Variants in TIAM1 observed in about 807,000 individuals in gnomAD.
The protein encoded by TIAM1 is TIAM Rac1 associated GEF 1, also known as rho guanine nucleotide exchange factor TIAM1.
TIAM1 carries 65 observed loss-of-function variants against 163.5 expected under a neutral mutation model. That is an observed-to-expected ratio of 0.40 (90% CI 0.33 to 0.49). The LOEUF (loss-of-function observed/expected upper bound fraction) is 0.49. Among genes scored for constraint, TIAM1 ranks in the 20% least tolerant of loss-of-function variants. TIAM1 has a pLI of 0.77. For missense variants in TIAM1, 1,789 were observed against 2,044.7 expected (o/e 0.87, Z 2.41); for synonymous variants, 833 against 810.1 (o/e 1.03, Z -0.48).
chr21:31,459,777 G>A (rs141537632), intron 2 of TIAM1, among the ~76,000 whole-genome samples: 3 of 152,306 alleles, frequency 2.0e-5, no homozygotes, highest in East Asian at 3.9e-4. Context: ...TTGGACCAGA[G>A]TAAGAGTGAA....
intron 1 of TIAM1, among the ~76,000 whole-genome samples, chr21:31,489,890 G>C (rs894218445): frequency 6.6e-6 from 1 of 152,236 alleles, no homozygotes; most frequent in East Asian, 1.9e-4. Flanking sequence ...CAAGGTTTCC[G>C]GATCATTACA....
chr21:31,355,583 G>A (rs958822435), intron 2 of TIAM1, among the ~76,000 whole-genome samples: 32 of 148,798 alleles, frequency 2.2e-4, no homozygotes, highest in African/African-American at 7.5e-4. Context: ...AAAGAGTCTC[G>A]CCCTGTTGCT....
At chr21:31,530,236 C>T (rs944552533) in intron 1 of TIAM1, among the ~76,000 whole-genome samples, 2 of 152,212 alleles carry the variant, frequency 1.3e-5, no homozygotes, top group East Asian at 1.9e-4. Flanking sequence ...TAGCTATCAT[C>T]GATCTACCTG....
chr21:31,136,096 T>A (rs1357508087), intron 22 of TIAM1, 55 bp from the exon 23 acceptor site: 28 of 1,433,046 alleles, frequency 2.0e-5, no homozygotes, highest in Non-Finnish European at 2.6e-5. Flanking sequence ...ATACTCAGAT[T>A]TTCATGATGT....
intron 2 of TIAM1, among the ~76,000 whole-genome samples, chr21:31,378,899 T>C (rs924006176): frequency 6.6e-6 from 1 of 152,184 alleles, no homozygotes; most frequent in African/African-American, 2.4e-5. Flanking sequence ...TTATAAGTAA[T>C]CTAGAGATTG....
intron 15 of TIAM1, among the ~76,000 whole-genome samples, chr21:31,169,410 T>G (rs1601397345): frequency 6.6e-6 from 1 of 152,056 alleles, no homozygotes; most frequent in Admixed American, 6.5e-5. Flanking sequence ...AAATGAACAC[T>G]CAATAGATGA....
intron 1 of TIAM1, among the ~76,000 whole-genome samples, chr21:31,512,635 TGAGAC>T (rs2047249308): frequency 6.9e-6 from 1 of 144,134 alleles, no homozygotes; most frequent in Non-Finnish European, 1.5e-5. Context: ...TTTTTTTTTT[TGAGAC>T]AGGGTCTCAC....
chr21:31,176,551 C>T (rs902004243), intron 15 of TIAM1, among the ~76,000 whole-genome samples: 1 of 152,162 alleles, frequency 6.6e-6, no homozygotes, highest in East Asian at 1.9e-4. Context: ...TTATGCAGAT[C>T]CTGGCTTTCT....
intron 1 of TIAM1, among the ~76,000 whole-genome samples, chr21:31,541,936 G>T (rs927402680): frequency 1.3e-5 from 2 of 152,158 alleles, no homozygotes; most frequent in African/African-American, 4.8e-5. Context: ...AATAGGTTGG[G>T]AAAGTCAAGC....
intron 16 of TIAM1, 53 bp downstream of exon 16, chr21:31,164,909 C>T: frequency 6.4e-7 from 1 of 1,571,226 alleles, no homozygotes; most frequent in Non-Finnish European, 8.7e-7. Context: ...ACATTGTCAG[C>T]TGTGATTCTT....
rs115104306 is a variant in TIAM1, at chr21:31,334,170, C to T, written c.-189+5073G>A. 6.2e-3 allele frequency among the ~76,000 whole-genome samples: 950 copies of T among 152,274 alleles called. 11 individuals are homozygous for T. Among genetic ancestry groups the T allele is most frequent in the African/African-American group, 0.022 (914 of 41,560 alleles). On this transcript the variant is annotated intron_variant, in intron 2 of 27. Coordinates refer to ENST00000541036, the MANE Select transcript of TIAM1 (RefSeq NM_001353694.2). ...GTGTTCCATTCTAAAGCTGAAACCA[C>T]GAAAAATCCATTTTATTTTCACTTA...
chr21:31,195,273 G>C lies in TIAM1; in HGVS notation c.2526C>G (p.Val842=), dbSNP rs775328417. 7.9e-5 allele frequency: 127 copies of C among 1,613,200 alleles called. No homozygotes were observed. Among genetic ancestry groups the C allele is most frequent in the Non-Finnish European group, 1.0e-4 (121 of 1,179,528 alleles). Residue 842 remains valine, a synonymous_variant, in exon 13 of 28, where the codon GTC becomes GTG. Transcript: ENST00000541036. ...ACTTCTCAATGTGGATGCTCTGAGT[G>C]ACTTTTGGACAGATTTCAATTTCTT... ...LYKEIEICPK[V]TQSIHIEKSD...
intron 22 of TIAM1, among the ~76,000 whole-genome samples, chr21:31,138,915 G>T (rs547216423): frequency 6.6e-6 from 1 of 152,142 alleles, no homozygotes; most frequent in African/African-American, 2.4e-5. Context: ...AAATTTTCTG[G>T]GCTTTGCACC....
At chr21:31,154,464 T>C (rs757685060) in intron 16 of TIAM1, 38 bp from the exon 17 acceptor site, 3 of 1,595,088 alleles carry the variant, frequency 1.9e-6, no homozygotes, top group Non-Finnish European at 2.6e-6. Context: ...CAGAGGTCAT[T>C]ATCCCTCATT....
chr21:31,429,180 T>C (rs539579318), intron 2 of TIAM1, among the ~76,000 whole-genome samples: 7 of 152,082 alleles, frequency 4.6e-5, no homozygotes, highest in African/African-American at 1.7e-4. Flanking sequence ...TTTTGTATTT[T>C]TTGTAGAGAC....
At chr21:31,542,682 G>C (rs945854305) in intron 1 of TIAM1, among the ~76,000 whole-genome samples, 4 of 152,098 alleles carry the variant, frequency 2.6e-5, no homozygotes, top group Non-Finnish European at 5.9e-5. Context: ...TAAAAACCCA[G>C]GTCCACGGTT....
At position 31,227,473 on chromosome 21, in the gene TIAM1, T is replaced by C. The variant is rs112109159; in HGVS notation, c.1585-1523A>G. Among the ~76,000 whole-genome samples, 1,027 of 152,344 alleles carry C rather than the reference T, an allele frequency of 6.7e-3. 5 individuals carry two copies. Among genetic ancestry groups the C allele is most frequent in the African/African-American group, 0.023 (975 of 41,574 alleles). ...AACCTAACTGGTCCAGCAGTTGTTATGTGGATAACAAATATTTTGCCTGTG... is the reference window on the plus strand; with the variant it reads ...AACCTAACTGGTCCAGCAGTTGTTACGTGGATAACAAATATTTTGCCTGTG... On this transcript the variant is annotated intron_variant, in intron 6 of 27. Coordinates refer to ENST00000541036, the MANE Select transcript of TIAM1 (RefSeq NM_001353694.2).
At chr21:31,290,646 C>CAAAAAAAAA (rs200030849) in intron 2 of TIAM1, among the ~76,000 whole-genome samples, 2 of 63,210 alleles carry the variant, frequency 3.2e-5, no homozygotes, top group Non-Finnish European at 3.1e-5. Flanking sequence ...GACTCTATCT[C>CAAAAAAAAA]AAAAAAAAAA....
intron 2 of TIAM1, among the ~76,000 whole-genome samples, chr21:31,449,186 A>C (rs572003375): frequency 6.6e-6 from 1 of 152,002 alleles, no homozygotes; most frequent in Admixed American, 6.6e-5. Flanking sequence ...GCTGGTCTTG[A>C]ACTCCTGGGC....
Sources: allele counts gnomAD v4.1 joint callset (sites outside exome capture counted in the v4.1 genomes callset), GRCh38; gene constraint gnomAD v4.1.1; transcripts MANE v1.5; gene names NCBI Gene and HGNC (gene_info 2026-07-23, HGNC 2026-07-21).